Variants in TMPRSS4 observed in about 807,000 individuals in gnomAD.
TMPRSS4 encodes the protein transmembrane serine protease 4.
In TMPRSS4, 45 loss-of-function variants were observed where a neutral mutation model predicts 56.4. The ratio of observed to expected loss-of-function variants is 0.80; its 90% CI spans 0.63 to 1.02. TMPRSS4 has a LOEUF of 1.02. Ranked by LOEUF, TMPRSS4 falls within the 50% of genes least tolerant of loss-of-function variation. The pLI is 0.00. For missense variants in TMPRSS4, 546 were observed against 556.7 expected (o/e 0.98, Z 0.19); for synonymous variants, 205 against 211.0 (o/e 0.97, Z 0.25).
At chr11:118,107,473 T>A in intron 5 of TMPRSS4, 1 of 250,782 alleles carries the variant, frequency 4.0e-6, no homozygotes, top group Non-Finnish European at 7.7e-6. Flanking sequence ...GCTGGGAATA[T>A]GGAAAGGAGA....
chr11:118,094,955 C>T, intron 2 of TMPRSS4, 100 bp downstream of exon 2: 2 of 1,262,940 alleles, frequency 1.6e-6, no homozygotes, highest in Non-Finnish European at 2.3e-6. Flanking sequence ...CCACCACCAC[C>T]AAAGTGCTAA....
chr11:118,083,108 T>G (rs1007336056), intron 1 of TMPRSS4, among the ~76,000 whole-genome samples: 3 of 152,078 alleles, frequency 2.0e-5, no homozygotes, highest in Non-Finnish European at 4.4e-5. Flanking sequence ...CTCAGAGCCC[T>G]TATCTGACCC....
chr11:118,088,501 C>T (rs2276434), intron 1 of TMPRSS4, among the ~76,000 whole-genome samples: 52,409 of 152,060 alleles, frequency 0.34, 9,694 homozygotes, highest in South Asian at 0.53. Context: ...ACCTCCCCAC[C>T]TCACCCGCTA....
At chr11:118,097,588 A>G (rs1946479658) in intron 2 of TMPRSS4, among the ~76,000 whole-genome samples, 1 of 152,174 alleles carries the variant, frequency 6.6e-6, no homozygotes, top group Non-Finnish European at 1.5e-5. Flanking sequence ...TATCTCTGAT[A>G]CTTACTGATA....
intron 1 of TMPRSS4, among the ~76,000 whole-genome samples, chr11:118,082,646 C>T (rs1287084466): frequency 6.6e-6 from 1 of 152,022 alleles, no homozygotes; most frequent in African/African-American, 2.4e-5. Context: ...AAAGGGAAAA[C>T]CAGTAGCTAT....
At position 118,117,385 on chromosome 11, in the gene TMPRSS4, G is replaced by A. The variant is rs781756719; in HGVS notation, c.1233G>A (p.Gly411=). The change falls in exon 12 of 13, where the codon GGG becomes GGA. Residue 411 remains glycine (G), a synonymous_variant. Coordinates refer to ENST00000437212, the MANE Select transcript of TMPRSS4 (RefSeq NM_019894.4). ...VGIVSWGYGC[G]GPSTPGVYTK... is the part of the protein sequence containing the mutation. ...TCGTTAGTTGGGGCTATGGCTGCGG[G>A]GGCCCGAGCACCCCAGGAGTATACA... 1 of 1,614,084 alleles carries A rather than the reference G, an allele frequency of 6.2e-7. No homozygotes were observed. The highest frequency in any genetic ancestry group is 8.5e-7 in the Non-Finnish European group (1 of 1,180,014).
chr11:118,101,566 T>C (rs939422276), intron 3 of TMPRSS4, among the ~76,000 whole-genome samples: 5 of 152,174 alleles, frequency 3.3e-5, no homozygotes, highest in African/African-American at 9.7e-5. Flanking sequence ...CTCAAACTTC[T>C]AGGCTCAAGC....
At chr11:118,099,861 G>T (rs561453440) in intron 3 of TMPRSS4, among the ~76,000 whole-genome samples, 5 of 152,160 alleles carry the variant, frequency 3.3e-5, no homozygotes, top group African/African-American at 9.7e-5. Flanking sequence ...CTGAGGCCCA[G>T]TGTGGTCTTG....
In TMPRSS4 at chr11:118,118,097, C is replaced by T. The variant is rs559828755; in HGVS notation, c.*184C>T. ...AGAGACCCTCGCAGCCCAGAGGCGC[C>T]CAGAGGAAGTCAGCAGCCCTAGCTC... On this transcript the variant is annotated 3_prime_UTR_variant, in exon 13 of 13. Transcript: ENST00000437212. The T allele has an allele frequency of 1.2e-5, 17 of 1,442,622 alleles. No homozygotes were observed. In the East Asian group the frequency reaches 3.8e-4, roughly 32 times the overall value. The allele number at this position is 1,442,622 out of a possible 1,614,324, so 89.4% of individuals were successfully genotyped here.
At chr11:118,080,347 G>T (rs920725817) in intron 1 of TMPRSS4, among the ~76,000 whole-genome samples, 1 of 152,192 alleles carries the variant, frequency 6.6e-6, no homozygotes, top group Admixed American at 6.5e-5. Flanking sequence ...AAGAGTGGTA[G>T]TATAGGGACA....
In TMPRSS4 at chr11:118,095,065, C is replaced by A. The variant is rs537725599; in HGVS notation, c.43+210C>A. 11 of 600,594 alleles carry A rather than the reference C, an allele frequency of 1.8e-5. No individual in the cohort carries two copies. In the East Asian group the frequency reaches 3.1e-4, roughly 17 times the overall value. 37.2% of individuals were successfully genotyped at this position (600,594 alleles called of 1,614,324 possible). ...AGGCCTGGACTCTGGGGAAACAGGA[C>A]CAACAAACCTAAAATCCCCAAAGCA... On this transcript the variant is annotated intron_variant, in intron 2 of 12. Coordinates refer to ENST00000437212, the MANE Select transcript of TMPRSS4 (RefSeq NM_019894.4).
At chr11:118,106,953 T>C in intron 5 of TMPRSS4, 1 of 152,324 alleles carries the variant, frequency 6.6e-6, no homozygotes. Context: ...CTTGGGTCCT[T>C]CCAGGAAGTG....
intron 1 of TMPRSS4, among the ~76,000 whole-genome samples, chr11:118,089,992 G>A (rs577584007): frequency 3.9e-5 from 6 of 152,144 alleles, no homozygotes; most frequent in Admixed American, 1.3e-4. Flanking sequence ...TTACAGGCGC[G>A]TGCCACCACA....
intron 12 of TMPRSS4, 150 bp from the exon 13 acceptor site, chr11:118,117,752 A>G: frequency 6.5e-7 from 1 of 1,529,308 alleles, no homozygotes; most frequent in Non-Finnish European, 8.8e-7. Flanking sequence ...TAAGGAAGAG[A>G]GTGGAAAGGC....
Position 118,077,096 on chromosome 11 carries a change from G to A in TMPRSS4, c.-207G>A, listed in dbSNP as rs1214409309. ...CCCAATCACTCCTGGAATACACAGA[G>A]AGAGGCAGCAGCTTGCTCAGCGGAC... is the stretch of plus-strand genomic sequence containing the variant. On this transcript the variant is annotated 5_prime_UTR_variant, in exon 1 of 13. Coordinates refer to ENST00000437212, the MANE Select transcript of TMPRSS4 (RefSeq NM_019894.4). 5.4e-6 allele frequency: 3 copies of A among 553,776 alleles called. No individual in the cohort carries two copies. Among genetic ancestry groups the A allele is most frequent in the Non-Finnish European group, 9.6e-6 (3 of 312,888 alleles). The allele number at this position is 553,776 out of a possible 1,614,324, so 34.3% of individuals were successfully genotyped here.
chr11:118,100,237 A>C (rs548073686), intron 3 of TMPRSS4, among the ~76,000 whole-genome samples: 1 of 152,336 alleles, frequency 6.6e-6, no homozygotes, highest in South Asian at 2.1e-4. Flanking sequence ...CTAAAAACCA[A>C]GTTTTGCAAA....
Position 118,114,854 on chromosome 11 carries a change from C to T in TMPRSS4, c.936C>T (p.Pro312=), listed in dbSNP as rs1196546255. The part of the protein sequence containing the change: ...FSGTVRPICL[P]FFDEELTPAT... ...GCACAGTCAGGCCCATCTGTCTGCC[C>T]TTCTTTGATGAGGAGCTCACTCCAG... Residue 312 remains proline (P), a synonymous_variant, in exon 10 of 13, where the codon CCC becomes CCT. Transcript: ENST00000437212. The T allele has an allele frequency of 2.6e-5, 42 of 1,608,746 alleles. No homozygotes were observed. Among genetic ancestry groups the T allele is most frequent in the Non-Finnish European group, 3.5e-5 (41 of 1,177,842 alleles).
chr11:118,092,803 G>A (rs1946053367), intron 1 of TMPRSS4, among the ~76,000 whole-genome samples: 1 of 152,240 alleles, frequency 6.6e-6, no homozygotes, highest in Non-Finnish European at 1.5e-5. Flanking sequence ...GAGTCGCTAA[G>A]TTAGATCTCT....
chr11:118,105,297 A>C (rs774084524), intron 5 of TMPRSS4, among the ~76,000 whole-genome samples: 5 of 152,242 alleles, frequency 3.3e-5, no homozygotes, highest in South Asian at 2.1e-4. Context: ...CTCTCTCTGC[A>C]AATTTCAAAA....
Sources: allele counts gnomAD v4.1 joint callset (sites outside exome capture counted in the v4.1 genomes callset), GRCh38; gene constraint gnomAD v4.1.1; transcripts MANE v1.5; gene names NCBI Gene and HGNC (gene_info 2026-07-23, HGNC 2026-07-21).